The following NCKAP1 variants were observed in gnomAD, a reference collection of about 807,000 sequenced individuals.
NCKAP1 encodes the protein NCK associated protein 1.
In NCKAP1, 21 loss-of-function variants were observed where a neutral mutation model predicts 151.2. The ratio of observed to expected loss-of-function variants is 0.14; its 90% confidence interval spans 0.10 to 0.20. The LOEUF is 0.20. Ranked by LOEUF, NCKAP1 falls within the 10% of genes least tolerant of loss-of-function variation. The probability of loss-of-function intolerance (pLI) is 1.00; values close to 1 mark genes in which losing one functional copy is unlikely to be tolerated. For missense variants in NCKAP1, 933 were observed against 1,352.1 expected (o/e 0.69, Z 4.86); for synonymous variants, 484 against 451.8 (o/e 1.07, Z -0.90).
At chr2:183,017,222 G>C (rs946266876) in intron 2 of NCKAP1, among the ~76,000 whole-genome samples, 62 of 152,234 alleles carry the variant, frequency 4.1e-4, no homozygotes, top group African/African-American at 1.4e-3. Flanking sequence ...GGGCGGAGGG[G>C]TGGAGGGTGG....
At chr2:182,953,795 T>TA (rs953540533) in intron 20 of NCKAP1, among the ~76,000 whole-genome samples, 87 of 147,032 alleles carry the variant, frequency 5.9e-4, no homozygotes, top group East Asian at 3.9e-3. Flanking sequence ...GAGACTGTCT[T>TA]AAAAAAAAAA....
At position 182,910,351 on chromosome 2, in the gene NCKAP1, G is replaced by A. The variant is rs1468722621; in HGVS notation, c.*15351C>T. On this transcript the variant is annotated 3_prime_UTR_variant, in exon 31 of 31. Transcript: ENST00000361354. ...TGTACTAAAATTCTTTGAGAGATGA[G>A]AGGAAATATTTTTCAGAAGCTTGGA... The A allele has an allele frequency of 6.6e-6, 1 of 152,260 alleles. No individual in the cohort carries two copies. Among genetic ancestry groups the A allele is most frequent in the Non-Finnish European group, 1.5e-5 (1 of 68,074 alleles). 9.4% of individuals were successfully genotyped at this position (152,260 alleles called of 1,614,324 possible).
intron 26 of NCKAP1, among the ~76,000 whole-genome samples, chr2:182,931,240 T>C (rs2105800661): frequency 6.6e-6 from 1 of 152,216 alleles, no homozygotes; most frequent in East Asian, 1.9e-4. Context: ...ATAGTTTTTT[T>C]AAGGAGTATT....
At chr2:182,933,272 A>C (rs181153078) in intron 26 of NCKAP1, among the ~76,000 whole-genome samples, 1 of 152,324 alleles carries the variant, frequency 6.6e-6, no homozygotes, top group African/African-American at 2.4e-5. Context: ...ATGCAACAGA[A>C]AGATCTAGTT....
rs1696555297 is a variant in NCKAP1 at position 182,921,885 on chromosome 2, T to C, written c.*3817A>G. 1 of 152,218 alleles carries C rather than the reference T, an allele frequency of 6.6e-6. No homozygotes were observed. Among genetic ancestry groups the C allele is most frequent in the South Asian group, 2.1e-4 (1 of 4,832 alleles). 9.4% of individuals were successfully genotyped at this position (152,218 alleles called of 1,614,324 possible). ...AAGTAGAGTCAATAAATATTAAATT[T>C]CCTTCCAATTCCACAGGACCAATTA... On this transcript the variant is annotated 3_prime_UTR_variant, in exon 31 of 31. Transcript: ENST00000361354.
At chr2:182,992,388 G>A (rs1698186584) in intron 8 of NCKAP1, among the ~76,000 whole-genome samples, 1 of 152,144 alleles carries the variant, frequency 6.6e-6, no homozygotes, top group Non-Finnish European at 1.5e-5. Context: ...AGGGGAGCCT[G>A]CTTCCTGATC....
intron 27 of NCKAP1, among the ~76,000 whole-genome samples, chr2:182,930,402 T>C (rs1696738654): frequency 6.6e-6 from 1 of 152,046 alleles, no homozygotes; most frequent in South Asian, 2.1e-4. Flanking sequence ...GTTTTTCCTT[T>C]TCTCCCTGAG....
chr2:182,945,658 G>A (rs1446646520), intron 23 of NCKAP1, among the ~76,000 whole-genome samples: 1 of 152,178 alleles, frequency 6.6e-6, no homozygotes, highest in East Asian at 1.9e-4. Flanking sequence ...GCTCAAACAT[G>A]CTGGTGAGGT....
chr2:182,997,866 C>T (rs540674803), intron 6 of NCKAP1, among the ~76,000 whole-genome samples: 2 of 151,880 alleles, frequency 1.3e-5, no homozygotes, highest in Non-Finnish European at 2.9e-5. Context: ...CGCAAAAATA[C>T]AACAACAAAA....
At chr2:183,028,074 A>G (rs1215780477) in intron 1 of NCKAP1, among the ~76,000 whole-genome samples, 1 of 152,134 alleles carries the variant, frequency 6.6e-6, no homozygotes, top group Non-Finnish European at 1.5e-5. Context: ...CAAATTACCA[A>G]TTCAATTAAA....
chr2:183,010,209 G>A (rs1698566202), intron 2 of NCKAP1, among the ~76,000 whole-genome samples: 1 of 152,204 alleles, frequency 6.6e-6, no homozygotes, highest in Middle Eastern at 3.2e-3. Flanking sequence ...CTGGCCTTGT[G>A]ACTTGCTTTG....
Position 182,970,190 on chromosome 2 carries a change from C to A in NCKAP1, c.1483-2829G>T, listed in dbSNP as rs1019975809. On this transcript the variant is annotated intron_variant, in intron 15 of 30. Transcript: ENST00000361354. ...TGAATTCCAGCAAATATTTAAAGAA[C>A]TAATACCAATTCTACTCAAACTGTT... 2.0e-5 allele frequency among the ~76,000 whole-genome samples: 3 copies of A among 152,310 alleles called. No individual in the cohort carries two copies. In the South Asian group the frequency reaches 6.2e-4, roughly 32 times the overall value.
intron 8 of NCKAP1, among the ~76,000 whole-genome samples, chr2:182,989,829 G>A (rs1439633325): frequency 5.9e-5 from 9 of 151,928 alleles, no homozygotes; most frequent in Admixed American, 5.2e-4. Flanking sequence ...GTGAAATCCC[G>A]TCTCTACTAA....
intron 13 of NCKAP1, among the ~76,000 whole-genome samples, chr2:182,980,411 T>C (rs1226890592): frequency 3.3e-5 from 5 of 152,072 alleles, no homozygotes; most frequent in Non-Finnish European, 7.4e-5. Flanking sequence ...CTAGCAGCTT[T>C]AGAGAAGTCT....
At chr2:183,021,736 T>A (rs1372205849) in intron 2 of NCKAP1, among the ~76,000 whole-genome samples, 2 of 152,156 alleles carry the variant, frequency 1.3e-5, no homozygotes, top group Non-Finnish European at 1.5e-5. Flanking sequence ...ATCTTCAGAA[T>A]AGGCACAGAG....
rs79450170 is a variant in NCKAP1 at position 182,975,838 on chromosome 2, G to A, written c.1482+1055C>T. On this transcript the variant is annotated intron_variant, in intron 15 of 30. Coordinates refer to ENST00000361354, the MANE Select transcript of NCKAP1 (RefSeq NM_013436.5). Reference sequence around the variant, plus strand: ...GAGCACTGCCTGAACATACGAGCCTGAGGTTACAGTGAGCTATAACCATAC... The same window carrying A: ...GAGCACTGCCTGAACATACGAGCCTAAGGTTACAGTGAGCTATAACCATAC... Among the ~76,000 whole-genome samples the A allele has an allele frequency of 8.5e-4, 130 of 152,242 alleles. 1 individual carries two copies. The East Asian group carries it at 0.025, about 29-fold the overall frequency.
chr2:182,934,139 ATCTTTC>A (rs1195818253), intron 26 of NCKAP1, among the ~76,000 whole-genome samples: 1 of 151,694 alleles, frequency 6.6e-6, no homozygotes, highest in African/African-American at 2.4e-5. Context: ...TCATTGCTTC[ATCTTTC>A]TTTTTTTTTT....
At chr2:183,014,288 G>A (rs1019563881) in intron 2 of NCKAP1, among the ~76,000 whole-genome samples, 6 of 152,052 alleles carry the variant, frequency 3.9e-5, no homozygotes, top group African/African-American at 2.4e-5. Context: ...AATTTGGAAA[G>A]GTCAGGGAAA....
intron 2 of NCKAP1, among the ~76,000 whole-genome samples, chr2:183,018,534 A>G (rs1409013418): frequency 3.9e-5 from 6 of 152,156 alleles, no homozygotes; most frequent in African/African-American, 7.2e-5. Flanking sequence ...CCTATCACCA[A>G]TTCCACCACC....
Sources: allele counts gnomAD v4.1 joint callset (sites outside exome capture counted in the v4.1 genomes callset), GRCh38; gene constraint gnomAD v4.1.1; transcripts MANE v1.5; gene names NCBI Gene and HGNC (gene_info 2026-07-23, HGNC 2026-07-21).